The following ANKH variants were observed in gnomAD, a reference collection of about 807,000 sequenced individuals.
The protein encoded by ANKH is ANKH inorganic pyrophosphate transport regulator.
A neutral mutation model predicts 49.0 loss-of-function variants in ANKH; 15 were observed. That is an observed-to-expected ratio of 0.31 (90% CI 0.20 to 0.47). ANKH has a LOEUF of 0.47. Among genes scored for constraint, ANKH ranks in the 20% least tolerant of loss-of-function variants. The probability of loss-of-function intolerance (pLI) is 1.00; values close to 1 mark genes in which losing one functional copy is unlikely to be tolerated. For synonymous variants in ANKH, 273 were observed against 260.0 expected (o/e 1.05, Z -0.48); for missense variants, 429 against 652.0 (o/e 0.66, Z 3.72).
intron 8 of ANKH, among the ~76,000 whole-genome samples, chr5:14,723,356 T>TAA (rs112862391): frequency 0.51 from 75,354 of 148,644 alleles, 19,064 homozygotes; most frequent in South Asian, 0.61. Context: ...ATTCTTTTTT[T>TAA]AAAAAAAAAA....
At chr5:14,719,433 G>C (rs1737593471) in intron 8 of ANKH, among the ~76,000 whole-genome samples, 1 of 152,214 alleles carries the variant, frequency 6.6e-6, no homozygotes, top group Admixed American at 6.5e-5. Flanking sequence ...CAAAAGCCAG[G>C]GAAATCTCTG....
chr5:14,791,248 T>A (rs746299327), intron 1 of ANKH, among the ~76,000 whole-genome samples: 2 of 152,084 alleles, frequency 1.3e-5, no homozygotes. Context: ...GAACCTTAAC[T>A]CTGGGGTGGG....
chr5:14,835,630 T>C (rs1452302894), intron 1 of ANKH, among the ~76,000 whole-genome samples: 2 of 152,174 alleles, frequency 1.3e-5, no homozygotes, highest in East Asian at 3.8e-4. Context: ...TTCCTGTTTG[T>C]CTTTCTGCTT....
chr5:14,775,682 G>A (rs7729478), intron 1 of ANKH, among the ~76,000 whole-genome samples: 1,713 of 152,288 alleles, frequency 0.011, 31 homozygotes, highest in African/African-American at 0.039. Flanking sequence ...GCCTGCAGGA[G>A]GGCTTAGTAT....
rs1350498893 is a variant in ANKH at position 14,871,620 on chromosome 5, C to G, written c.-173G>C. 1 of 172,646 alleles carries G rather than the reference C, an allele frequency of 5.8e-6. No individual in the cohort carries two copies. Among genetic ancestry groups the G allele is most frequent in the Non-Finnish European group, 1.2e-5 (1 of 85,300 alleles). The allele number at this position is 172,646 out of a possible 1,614,324, so 10.7% of individuals were successfully genotyped here. On this transcript the variant is annotated 5_prime_UTR_variant, in exon 1 of 12. Transcript: ENST00000284268. Reference sequence around the variant, plus strand: ...CCTCCTCGCGGCTGCGGCGCCTTCTCCGAGCGCGGCTGCTCTAGCAGGGGA... The same window carrying G: ...CCTCCTCGCGGCTGCGGCGCCTTCTGCGAGCGCGGCTGCTCTAGCAGGGGA...
At chr5:14,724,453 T>C (rs1336288797) in intron 8 of ANKH, 1 of 672,700 alleles carries the variant, frequency 1.5e-6, no homozygotes, top group Non-Finnish European at 1.8e-6. Flanking sequence ...GGCTAAGTCA[T>C]GAAAAACTTT....
chr5:14,730,259 G>A (rs758019449), intron 8 of ANKH, among the ~76,000 whole-genome samples: 25 of 152,216 alleles, frequency 1.6e-4, no homozygotes, highest in Non-Finnish European at 2.9e-4. Flanking sequence ...CAGCCTTGCC[G>A]GAGGGGATGA....
At chr5:14,796,316 A>G (rs1197291258) in intron 1 of ANKH, among the ~76,000 whole-genome samples, 2 of 152,050 alleles carry the variant, frequency 1.3e-5, no homozygotes, top group African/African-American at 4.8e-5. Flanking sequence ...CCTAAAAAAA[A>G]AGCAACTCTT....
intron 1 of ANKH, among the ~76,000 whole-genome samples, chr5:14,779,691 A>C (rs536311962): frequency 6.6e-6 from 1 of 152,242 alleles, no homozygotes; most frequent in Non-Finnish European, 1.5e-5. Context: ...TGAAAAACCC[A>C]TACTTTTTTG....
intron 1 of ANKH, among the ~76,000 whole-genome samples, chr5:14,775,415 T>C (rs1167969440): frequency 1.3e-5 from 2 of 152,144 alleles, no homozygotes; most frequent in African/African-American, 4.8e-5. Context: ...TATAACAATA[T>C]ACTGTAATAA....
intron 1 of ANKH, among the ~76,000 whole-genome samples, chr5:14,782,035 C>G (rs144925857): frequency 0.011 from 1,692 of 152,180 alleles, 39 homozygotes; most frequent in African/African-American, 0.038. Flanking sequence ...TTGATGACCC[C>G]AGTGCCTTAA....
intron 1 of ANKH, among the ~76,000 whole-genome samples, chr5:14,815,881 A>C (rs941134446): frequency 1.3e-5 from 2 of 152,200 alleles, no homozygotes; most frequent in Non-Finnish European, 2.9e-5. Context: ...TGAGGCACAG[A>C]TCGAGGGCGC....
At chr5:14,756,490 C>T (rs1015413944) in intron 3 of ANKH, among the ~76,000 whole-genome samples, 1 of 152,202 alleles carries the variant, frequency 6.6e-6, no homozygotes, top group African/African-American at 2.4e-5. Flanking sequence ...CGAGGAACAG[C>T]AGGTCTGGAG....
chr5:14,751,322 T>C (rs1057431240), intron 4 of ANKH, 83 bp from the exon 5 acceptor site: 1 of 1,398,542 alleles, frequency 7.2e-7, no homozygotes, highest in African/African-American at 1.4e-5. Flanking sequence ...CTCTTGAACC[T>C]GAGACAGACC....
intron 4 of ANKH, among the ~76,000 whole-genome samples, chr5:14,752,371 A>G (rs1017232939): frequency 3.9e-5 from 6 of 152,374 alleles, no homozygotes; most frequent in African/African-American, 1.4e-4. Flanking sequence ...AACAACTTAC[A>G]TTAACATTTA....
intron 1 of ANKH, chr5:14,798,228 C>T: frequency 6.2e-7 from 1 of 1,600,722 alleles, no homozygotes; most frequent in Non-Finnish European, 8.6e-7. Flanking sequence ...GAAATCTTTC[C>T]CTTCTGGTCT....
intron 8 of ANKH, among the ~76,000 whole-genome samples, chr5:14,723,077 A>C (rs542670799): frequency 3.9e-5 from 6 of 152,214 alleles, no homozygotes; most frequent in African/African-American, 1.4e-4. Context: ...AAACAAGGAA[A>C]GTCTAAAACT....
intron 1 of ANKH, among the ~76,000 whole-genome samples, chr5:14,850,040 T>A (rs1212684522): frequency 1.3e-5 from 2 of 152,192 alleles, no homozygotes; most frequent in African/African-American, 4.8e-5. Context: ...TCGCCTCACA[T>A]AAAAGGTATG....
intron 8 of ANKH, among the ~76,000 whole-genome samples, chr5:14,733,440 G>A (rs769595636): frequency 3.9e-5 from 6 of 152,220 alleles, no homozygotes; most frequent in Non-Finnish European, 7.3e-5. Context: ...AGCACTGCCC[G>A]TAGGTGCAGG....
Sources: allele counts gnomAD v4.1 joint callset (sites outside exome capture counted in the v4.1 genomes callset), GRCh38; gene constraint gnomAD v4.1.1; transcripts MANE v1.5; gene names NCBI Gene and HGNC (gene_info 2026-07-23, HGNC 2026-07-21).